HCN1: variants seen among roughly 807,000 people sequenced by gnomAD.
HCN1 encodes the protein potassium/sodium hyperpolarization-activated cyclic nucleotide-gated channel 1.
A neutral mutation model predicts 78.9 loss-of-function variants in HCN1; 13 were observed. The observed-to-expected ratio is 0.16, with a 90% confidence interval of 0.11 to 0.26. HCN1 has a LOEUF of 0.26. Ranked by LOEUF, HCN1 falls within the 10% of genes least tolerant of loss-of-function variation. The pLI is 1.00. For missense variants in HCN1, 810 were observed against 1,154.3 expected, an observed-to-expected ratio of 0.70 and a Z score of 4.32; for synonymous variants, 552 against 455.5, an observed-to-expected ratio of 1.21 and a Z score of -2.70.
At chr5:45,619,751 C>T (rs188229694) in intron 2 of HCN1, among the ~76,000 whole-genome samples, 27 of 152,082 alleles carry the variant, frequency 1.8e-4, no homozygotes, top group African/African-American at 6.3e-4. Context: ...AGGATATTTG[C>T]ATAACCTAAA....
At chr5:45,398,430 C>A (rs1009967152) in intron 3 of HCN1, among the ~76,000 whole-genome samples, 1 of 152,036 alleles carries the variant, frequency 6.6e-6, no homozygotes, top group Admixed American at 6.6e-5. Context: ...TAAGTGTACT[C>A]ATTTGTGTGC....
intron 2 of HCN1, among the ~76,000 whole-genome samples, chr5:45,472,227 A>G (rs1192185404): frequency 6.6e-6 from 1 of 151,750 alleles, no homozygotes; most frequent in Admixed American, 6.6e-5. Flanking sequence ...CTTCCATCCT[A>G]TCCATTTTCT....
intron 4 of HCN1, among the ~76,000 whole-genome samples, chr5:45,362,426 A>G (rs548177486): frequency 2.1e-4 from 32 of 152,190 alleles, no homozygotes; most frequent in African/African-American, 7.2e-4. Context: ...AATATCTACT[A>G]ACTCATTTAA....
At chr5:45,582,953 T>C (rs1389864926) in intron 2 of HCN1, among the ~76,000 whole-genome samples, 1 of 150,518 alleles carries the variant, frequency 6.6e-6, no homozygotes, top group Non-Finnish European at 1.5e-5. Context: ...GGCTTCGATG[T>C]TCATCAAGGA....
intron 3 of HCN1, among the ~76,000 whole-genome samples, chr5:45,419,738 C>T (rs1255461703): frequency 6.6e-6 from 1 of 152,148 alleles, no homozygotes; most frequent in Non-Finnish European, 1.5e-5. Flanking sequence ...GGCTGTGTTT[C>T]CTGTTGAAGG....
rs181269672 is a variant in HCN1 at position 45,691,803 on chromosome 5, G to T, written c.425+3866C>A. Reference sequence around the variant, plus strand: ...ATGGGTGAAGCCTCCCTTCCCTAATGAACACATCAGTGATCTCTGATATCA... The same window carrying T: ...ATGGGTGAAGCCTCCCTTCCCTAATTAACACATCAGTGATCTCTGATATCA... On this transcript the variant is annotated intron_variant, in intron 1 of 7. Coordinates refer to ENST00000303230, the MANE Select transcript of HCN1 (RefSeq NM_021072.4). 3.2e-3 allele frequency among the ~76,000 whole-genome samples: 493 copies of T among 152,238 alleles called. 4 individuals are homozygous for T. The highest frequency in any genetic ancestry group is 0.011 in the African/African-American group (477 of 41,536).
chr5:45,502,529 G>A (rs185246614), intron 2 of HCN1, among the ~76,000 whole-genome samples: 118 of 152,218 alleles, frequency 7.8e-4, no homozygotes, highest in Middle Eastern at 3.4e-3. Context: ...CACTAGCCAT[G>A]TACAAGTTAT....
chr5:45,465,710 A>G (rs2220083), intron 2 of HCN1, among the ~76,000 whole-genome samples: 75,757 of 151,890 alleles, frequency 0.5, 20,230 homozygotes, highest in African/African-American at 0.69. Context: ...AGTCGAGATC[A>G]TGCCACTGCA....
intron 2 of HCN1, chr5:45,575,846 G>T (rs1167099454): frequency 1.3e-5 from 2 of 152,168 alleles, no homozygotes; most frequent in Non-Finnish European, 2.9e-5. Context: ...CCATTCTGCA[G>T]CCCATGCTTC....
At chr5:45,651,585 C>T (rs551609665) in intron 1 of HCN1, among the ~76,000 whole-genome samples, 1 of 151,908 alleles carries the variant, frequency 6.6e-6, no homozygotes, top group East Asian at 1.9e-4. Context: ...TTATTTAAAA[C>T]TGATTCAATT....
chr5:45,559,939 G>C (rs550789005), intron 2 of HCN1: 17 of 152,152 alleles, frequency 1.1e-4, no homozygotes, highest in African/African-American at 4.1e-4. Flanking sequence ...TGATAAGCCA[G>C]TTGCCATCAA....
intron 2 of HCN1, among the ~76,000 whole-genome samples, chr5:45,516,383 T>C (rs145789378): frequency 1.5e-3 from 222 of 152,124 alleles, no homozygotes; most frequent in African/African-American, 4.3e-3. Flanking sequence ...TAAAGTGATG[T>C]ATATTTTAAA....
At chr5:45,530,264 C>T (rs1742814602) in intron 2 of HCN1, among the ~76,000 whole-genome samples, 1 of 151,984 alleles carries the variant, frequency 6.6e-6, no homozygotes, top group South Asian at 2.1e-4. Context: ...ATAAATCATA[C>T]AGCACTGAAC....
chr5:45,588,710 G>A (rs906901991), intron 2 of HCN1, among the ~76,000 whole-genome samples: 2 of 152,062 alleles, frequency 1.3e-5, no homozygotes, highest in South Asian at 2.1e-4. Context: ...CTACTCACCA[G>A]GCTAGATGAG....
At chr5:45,272,393 T>C (rs951737962) in intron 6 of HCN1, among the ~76,000 whole-genome samples, 1 of 152,100 alleles carries the variant, frequency 6.6e-6, no homozygotes, top group Non-Finnish European at 1.5e-5. Context: ...TTTATTTTAT[T>C]CTACTGAATT....
chr5:45,691,176 T>C (rs979523923), intron 1 of HCN1, among the ~76,000 whole-genome samples: 4 of 152,040 alleles, frequency 2.6e-5, no homozygotes, highest in Non-Finnish European at 5.9e-5. Flanking sequence ...ATAAGTAATA[T>C]ATCTTTCCAG....
intron 2 of HCN1, among the ~76,000 whole-genome samples, chr5:45,530,580 G>A (rs79436291): frequency 1.3e-5 from 2 of 151,572 alleles, no homozygotes; most frequent in African/African-American, 4.8e-5. Flanking sequence ...AAATATTTTG[G>A]GGTAAAATTT....
intron 2 of HCN1, among the ~76,000 whole-genome samples, chr5:45,618,145 A>G (rs1389733273): frequency 6.6e-6 from 1 of 152,106 alleles, no homozygotes; most frequent in Non-Finnish European, 1.5e-5. Context: ...AGCAATCAAT[A>G]ATACTAATAG....
chr5:45,670,865 A>G (rs921909540), intron 1 of HCN1, among the ~76,000 whole-genome samples: 10 of 151,768 alleles, frequency 6.6e-5, no homozygotes, highest in African/African-American at 2.4e-4. Flanking sequence ...TTTTTACTAA[A>G]AATGTGAAGC....
Sources: allele counts gnomAD v4.1 joint callset (sites outside exome capture counted in the v4.1 genomes callset), GRCh38; gene constraint gnomAD v4.1.1; transcripts MANE v1.5; gene names NCBI Gene and HGNC (gene_info 2026-07-23, HGNC 2026-07-21).